ABLIM2: variants seen among roughly 807,000 people sequenced by gnomAD.
The protein encoded by ABLIM2 is actin binding LIM protein family member 2, also known as actin-binding LIM protein 2.
In ABLIM2, 53 loss-of-function variants were observed where a neutral mutation model predicts 97.7. The observed-to-expected ratio is 0.54, with a 90% CI of 0.44 to 0.68. The LOEUF (loss-of-function observed/expected upper bound fraction) is 0.68, where lower values mean the gene tolerates loss of function less well. Ranked by LOEUF, ABLIM2 falls within the 30% of genes least tolerant of loss-of-function variation. ABLIM2 has a pLI of 0.00. For synonymous variants in ABLIM2, 361 were observed against 345.8 expected, an observed-to-expected ratio of 1.04 and a Z score of -0.49; for missense variants, 835 against 867.2, an observed-to-expected ratio of 0.96 and a Z score of 0.47.
rs185250621 is a variant in ABLIM2 at position 8,027,071 on chromosome 4, G to C, written c.1267+688C>G. 5.7e-3 allele frequency among the ~76,000 whole-genome samples: 861 copies of C among 152,224 alleles called. 10 individuals carry two copies. Among genetic ancestry groups the C allele is most frequent in the African/African-American group, 0.019 (791 of 41,520 alleles). Reference sequence around the variant, plus strand: ...TTCTTATAAAGATGTCAGTACTATGGGATCTGTGCCCACCCTGAGGACCTC... The same window carrying C: ...TTCTTATAAAGATGTCAGTACTATGCGATCTGTGCCCACCCTGAGGACCTC... On this transcript the variant is annotated intron_variant, in intron 12 of 20. Coordinates refer to ENST00000447017, the MANE Select transcript of ABLIM2 (RefSeq NM_001130083.2).
chr4:8,053,346 T>C (rs573190101), intron 8 of ABLIM2, among the ~76,000 whole-genome samples: 90 of 152,364 alleles, frequency 5.9e-4, no homozygotes, highest in African/African-American at 2.0e-3. Flanking sequence ...TGTTGATTGA[T>C]GTCTCATGTC....
intron 8 of ABLIM2, 105 bp from the exon 9 acceptor site, chr4:8,045,346 G>C (rs1791617304): frequency 9.3e-7 from 1 of 1,079,468 alleles, no homozygotes; most frequent in African/African-American, 1.6e-5. Context: ...GCGCACTGCG[G>C]TGTTTCTTTA....
chr4:8,111,178 C>T (rs763078037), intron 1 of ABLIM2, among the ~76,000 whole-genome samples: 1 of 152,198 alleles, frequency 6.6e-6, no homozygotes, highest in Non-Finnish European at 1.5e-5. Context: ...AAGAAGCATG[C>T]CATCACACCA....
At position 8,098,649 on chromosome 4, in the gene ABLIM2, G is replaced by A. The variant is rs371239750; in HGVS notation, c.155-1367C>T. On this transcript the variant is annotated intron_variant, in intron 2 of 20. Transcript: ENST00000447017. ...TTAGATTCCAGATGCCGGAGCTGCC[G>A]GGATTCGAATCCCAGCTCTACCCGC... Among the ~76,000 whole-genome samples, 42 of 152,264 alleles carry A rather than the reference G, an allele frequency of 2.8e-4. No homozygotes were observed. In the South Asian group the frequency reaches 6.4e-3, roughly 23 times the overall value.
intron 10 of ABLIM2, among the ~76,000 whole-genome samples, chr4:8,030,865 C>G (rs573148849): frequency 1.8e-4 from 27 of 152,312 alleles, no homozygotes; most frequent in African/African-American, 6.5e-4. Flanking sequence ...TCGTTGGATC[C>G]AAGAGTTTGA....
chr4:8,143,762 C>T (rs1197001242), intron 1 of ABLIM2, among the ~76,000 whole-genome samples: 1 of 152,180 alleles, frequency 6.6e-6, no homozygotes, highest in Non-Finnish European at 1.5e-5. Context: ...GCAAGAGGAT[C>T]GACATGCTCC....
At chr4:8,045,083 G>A in intron 9 of ABLIM2, 81 bp downstream of exon 9, 8 of 1,245,508 alleles carry the variant, frequency 6.4e-6, no homozygotes, top group Admixed American at 5.1e-5. Context: ...CTCTCTTAGG[G>A]GTGGGCTTAG....
rs148515363 is a variant in ABLIM2, at chr4:8,007,165, T to C, written c.1618+894A>G. On this transcript the variant is annotated intron_variant, in intron 16 of 20. Transcript: ENST00000447017. ...CAGTTTGCAGGCATGAGGATGAGGA[T>C]GAGGATGAGAAACAGTTTCTGTTTA... The C allele has an allele frequency of 4.7e-4, 468 of 985,412 alleles. 1 individual carries two copies. The African/African-American group carries it at 7.5e-3, about 16-fold the overall frequency. 61.0% of individuals were successfully genotyped at this position (985,412 alleles called of 1,614,324 possible).
intron 6 of ABLIM2, among the ~76,000 whole-genome samples, chr4:8,077,061 C>G (rs1027716744): frequency 1.3e-5 from 2 of 150,912 alleles, no homozygotes; most frequent in East Asian, 2.0e-4. Context: ...GGTTGGGGGT[C>G]TGTGAATCTG....
At chr4:7,995,782 G>A (rs539679852) in intron 16 of ABLIM2, among the ~76,000 whole-genome samples, 2 of 152,350 alleles carry the variant, frequency 1.3e-5, no homozygotes, top group South Asian at 4.1e-4. Context: ...CGAGGAGCTG[G>A]GAAGACAGAC....
In ABLIM2 at chr4:8,061,889, G is replaced by A. The variant is rs150022230; in HGVS notation, c.676-835C>T. Among the ~76,000 whole-genome samples the A allele has an allele frequency of 5.9e-5, 9 of 152,250 alleles. No individual in the cohort carries two copies. Among genetic ancestry groups the A allele is most frequent in the East Asian group, 3.9e-4 (2 of 5,176 alleles). ...GCTGAAATGTCATTTTGAGCATCCC[G>A]TTTTCCCTGTCCTGTGCCTTCCCTA... On this transcript the variant is annotated intron_variant, in intron 6 of 20. Coordinates refer to ENST00000447017, the MANE Select transcript of ABLIM2 (RefSeq NM_001130083.2). This position sits in a 1 kb window ranked among gnomAD's most constrained non-coding sequence, Gnocchi z 4.5.
chr4:8,068,657 GC>G lies in ABLIM2; in HGVS notation c.676-7604del, dbSNP rs1809675824. Among the ~76,000 whole-genome samples the G allele has an allele frequency of 1.3e-5, 2 of 152,170 alleles. No homozygotes were observed. The highest frequency in any genetic ancestry group is 4.1e-4 in the South Asian group (2 of 4,826). On this transcript the variant is annotated intron_variant, in intron 6 of 20. Coordinates refer to ENST00000447017, the MANE Select transcript of ABLIM2 (RefSeq NM_001130083.2). The surrounding 1 kb of genome is among the most constrained non-coding windows in gnomAD (Gnocchi z 4.5). ...GAATCCGGGTGCAAAGGCCTCCTCT[GC>G]CCACTGGAGAGCTGCCACACTTCCC...
intron 6 of ABLIM2, among the ~76,000 whole-genome samples, chr4:8,074,089 CAAAAAAAAAAAA>C (rs869080154): frequency 6.6e-5 from 3 of 45,728 alleles, no homozygotes; most frequent in African/African-American, 1.7e-4. Context: ...CTCTGTCTCA[CAAAAAAAAAAAA>C]AAAAAAAAAA....
At chr4:8,101,895 T>C (rs1834838982) in intron 2 of ABLIM2, among the ~76,000 whole-genome samples, 1 of 152,224 alleles carries the variant, frequency 6.6e-6, no homozygotes, top group Admixed American at 6.5e-5. Context: ...TTCCCATTTG[T>C]AGAGTAAGGA....
intron 20 of ABLIM2, among the ~76,000 whole-genome samples, chr4:7,982,652 G>A (rs914973211): frequency 2.6e-5 from 4 of 152,132 alleles, no homozygotes; most frequent in Non-Finnish European, 5.9e-5. Flanking sequence ...GGAAGCTGGG[G>A]CAGTTTACTC....
At chr4:8,153,607 C>A (rs1713864138) in intron 1 of ABLIM2, among the ~76,000 whole-genome samples, 1 of 152,208 alleles carries the variant, frequency 6.6e-6, no homozygotes, top group South Asian at 2.1e-4. Flanking sequence ...GTGCTAAGCT[C>A]CCTCGATGCT....
At chr4:8,110,511 G>T (rs1839785871) in intron 1 of ABLIM2, among the ~76,000 whole-genome samples, 1 of 152,152 alleles carries the variant, frequency 6.6e-6, no homozygotes, top group South Asian at 2.1e-4. Context: ...CCCCAAGGAT[G>T]CCAGGACCAT....
intron 2 of ABLIM2, among the ~76,000 whole-genome samples, chr4:8,103,407 C>A (rs1835643114): frequency 6.6e-6 from 1 of 152,250 alleles, no homozygotes; most frequent in Non-Finnish European, 1.5e-5. Flanking sequence ...AGCACAGAGG[C>A]CACCCACTGA....
At chr4:8,036,410 C>G in intron 9 of ABLIM2, 115 bp from the exon 10 acceptor site, 1 of 1,303,990 alleles carries the variant, frequency 7.7e-7, no homozygotes, top group Non-Finnish European at 1.1e-6. Context: ...AGATGCATCC[C>G]ACAGGACAGT....
Sources: allele counts gnomAD v4.1 joint callset (sites outside exome capture counted in the v4.1 genomes callset), GRCh38; gene constraint gnomAD v4.1.1; non-coding constraint Gnocchi (gnomAD v3.1); transcripts MANE v1.5; gene names NCBI Gene and HGNC (gene_info 2026-07-23, HGNC 2026-07-21).